MLIP: variants seen among roughly 807,000 people sequenced by gnomAD.
MLIP encodes the protein muscular LMNA-interacting protein.
Under a neutral mutation model 84.8 loss-of-function variants are expected in MLIP, and 79 were observed. The ratio of observed to expected loss-of-function variants is 0.93; its 90% CI spans 0.78 to 1.12. MLIP has a LOEUF of 1.12. MLIP is among the 50% of genes most tolerant of loss of function. MLIP has a pLI of 0.00. For synonymous variants in MLIP, 504 were observed against 463.0 expected (o/e 1.09, Z -1.14); for missense variants, 1,257 against 1,160.6 (o/e 1.08, Z -1.21).
intron 12 of MLIP, among the ~76,000 whole-genome samples, chr6:54,232,944 T>C (rs1014219744): frequency 1.3e-5 from 2 of 152,172 alleles, no homozygotes; most frequent in African/African-American, 4.8e-5. Flanking sequence ...TTCTGCTGAG[T>C]CTGCAGTGTG....
rs1770765555 is a variant in MLIP, at chr6:54,124,719, A to C, written c.499A>C (p.Thr167Pro). ...ACAAGGCCCCCCAGGGGGGATTGGC[A>C]CCGCAGCTGTCCGGCCCAAGTCTCT... ...VEQGPPGGIG[T>P]AAVRPKSLAI... is the part of the protein sequence containing the mutation. Residue 167 changes from threonine to proline, a missense_variant, in exon 3 of 14, where the codon ACC (threonine) becomes CCC (proline). Coordinates refer to ENST00000502396, the MANE Select transcript of MLIP (RefSeq NM_001281747.2). 6.2e-7 allele frequency: 1 copy of C among 1,614,194 alleles called. No individual in the cohort carries two copies. The highest frequency in any genetic ancestry group is 1.7e-5 in the Admixed American group (1 of 60,022).
chr6:54,052,338 C>T (rs1384955905), intron 1 of MLIP, among the ~76,000 whole-genome samples: 2 of 152,148 alleles, frequency 1.3e-5, no homozygotes, highest in Non-Finnish European at 2.9e-5. Context: ...AATCATGGCA[C>T]TCCTAGAGCA....
At chr6:54,217,525 G>A in intron 11 of MLIP, 1 of 985,008 alleles carries the variant, frequency 1.0e-6, no homozygotes, top group Non-Finnish European at 1.2e-6. Flanking sequence ...ATATTTGTCT[G>A]CTAATTTTTC....
chr6:54,203,781 T>C (rs1466646069), intron 11 of MLIP: 1 of 152,278 alleles, frequency 6.6e-6, no homozygotes, highest in Admixed American at 6.5e-5. Context: ...AGACAGGGTT[T>C]CACCATGCCG....
intron 1 of MLIP, among the ~76,000 whole-genome samples, chr6:54,113,032 CA>C (rs1455248498): frequency 2.0e-5 from 3 of 152,112 alleles, no homozygotes; most frequent in African/African-American, 7.2e-5. Flanking sequence ...AATAAATTTT[CA>C]TCATTATATA....
chr6:54,194,287 G>A (rs564459775), intron 10 of MLIP, among the ~76,000 whole-genome samples: 19 of 152,090 alleles, frequency 1.2e-4, no homozygotes, highest in African/African-American at 4.1e-4. Context: ...ATGTAGAACC[G>A]ATGTCTCCTT....
chr6:54,106,110 G>A (rs920259296), intron 1 of MLIP, among the ~76,000 whole-genome samples: 1 of 152,146 alleles, frequency 6.6e-6, no homozygotes, highest in African/African-American at 2.4e-5. Context: ...CTGTAGATGG[G>A]AAGGAGGCAG....
intron 4 of MLIP, among the ~76,000 whole-genome samples, chr6:54,147,461 G>T (rs1772973950): frequency 6.6e-6 from 1 of 152,102 alleles, no homozygotes; most frequent in South Asian, 2.1e-4. Context: ...GCAACTTAGG[G>T]CTTGAAGTGA....
At chr6:54,140,851 C>T (rs751272355) in intron 4 of MLIP, among the ~76,000 whole-genome samples, 1 of 152,072 alleles carries the variant, frequency 6.6e-6, no homozygotes, top group Non-Finnish European at 1.5e-5. Context: ...TAGACAAATG[C>T]TGTGTGATAT....
chr6:54,164,302 G>A (rs1293913411), intron 8 of MLIP, among the ~76,000 whole-genome samples: 2 of 151,700 alleles, frequency 1.3e-5, no homozygotes, highest in Non-Finnish European at 2.9e-5. Flanking sequence ...TGTATTTCAT[G>A]TCTCTTACTC....
chr6:54,211,966 ACTT>A (rs927836489), intron 11 of MLIP, among the ~76,000 whole-genome samples: 17 of 152,210 alleles, frequency 1.1e-4, no homozygotes, highest in Admixed American at 5.9e-4. Flanking sequence ...AGAACTAAGA[ACTT>A]CTCCCTATTT....
At chr6:54,116,406 A>G (rs1769925099) in intron 1 of MLIP, among the ~76,000 whole-genome samples, 1 of 152,230 alleles carries the variant, frequency 6.6e-6, no homozygotes, top group South Asian at 2.1e-4. Flanking sequence ...AGAGAATAAA[A>G]CGGAGACATT....
rs1170315747 is a variant in MLIP, at chr6:54,265,946, A to C, written c.2977-4A>C. Reference sequence around the variant, plus strand: ...CCTGACTACCATATTCTCTTATTTTACAGCAATGAAGTTGGAGCAGAGGCT... The same window carrying C: ...CCTGACTACCATATTCTCTTATTTTCCAGCAATGAAGTTGGAGCAGAGGCT... On this transcript the variant is annotated splice_polypyrimidine_tract_variant and splice_region_variant and intron_variant, in intron 13 of 13. Coordinates refer to ENST00000502396, the MANE Select transcript of MLIP (RefSeq NM_001281747.2). The C allele has an allele frequency of 6.2e-6, 10 of 1,611,220 alleles. No homozygotes were observed. Among genetic ancestry groups the C allele is most frequent in the Non-Finnish European group, 8.5e-6 (10 of 1,178,638 alleles).
chr6:54,230,588 C>A (rs974927077), intron 11 of MLIP, 126 bp from the exon 12 acceptor site: 7 of 797,874 alleles, frequency 8.8e-6, no homozygotes, highest in Non-Finnish European at 1.5e-5. Flanking sequence ...GGGACACCAT[C>A]TCATGAGGAG....
At chr6:54,233,203 A>C (rs1173168641) in intron 12 of MLIP, among the ~76,000 whole-genome samples, 4 of 152,052 alleles carry the variant, frequency 2.6e-5, no homozygotes, top group Non-Finnish European at 1.5e-5. Flanking sequence ...TTATACTTTA[A>C]GTTCTGGGAT....
upstream of MLIP, among the ~76,000 whole-genome samples, chr6:54,109,735 A>T (rs1268371924): frequency 4.6e-5 from 7 of 152,050 alleles, no homozygotes; most frequent in African/African-American, 1.7e-4. Context: ...CCAGCAGCAG[A>T]TCTGGGGTGT....
intron 11 of MLIP, among the ~76,000 whole-genome samples, chr6:54,220,787 G>A (rs1398822343): frequency 1.3e-5 from 2 of 152,126 alleles, no homozygotes; most frequent in African/African-American, 4.8e-5. Flanking sequence ...TCTAAAGTAA[G>A]TGACTTCTTT....
intron 1 of MLIP, among the ~76,000 whole-genome samples, chr6:54,077,660 A>G (rs887984470): frequency 3.9e-5 from 6 of 152,166 alleles, no homozygotes; most frequent in Admixed American, 6.5e-5. Context: ...TCTTATTAAC[A>G]TAAAAAAGAG....
At chr6:54,198,131 A>G (rs1427476641) in intron 10 of MLIP, among the ~76,000 whole-genome samples, 2 of 152,244 alleles carry the variant, frequency 1.3e-5, no homozygotes, top group Non-Finnish European at 2.9e-5. Context: ...GTTCAAGTCT[A>G]GTGTCTTTCA....
Sources: allele counts gnomAD v4.1 joint callset (sites outside exome capture counted in the v4.1 genomes callset), GRCh38; gene constraint gnomAD v4.1.1; transcripts MANE v1.5; gene names NCBI Gene and HGNC (gene_info 2026-07-23, HGNC 2026-07-21).